RBMS3: variants seen among roughly 807,000 people sequenced by gnomAD.
The protein encoded by RBMS3 is RNA-binding motif, single-stranded-interacting protein 3.
A neutral mutation model predicts 66.8 loss-of-function variants in RBMS3; 27 were observed. The observed-to-expected ratio is 0.40, with a 90% CI of 0.30 to 0.56. The LOEUF is 0.56. RBMS3 is among the 20% of genes least tolerant of loss of function. The pLI is 0.40. For missense variants in RBMS3, 513 were observed against 549.5 expected, an observed-to-expected ratio of 0.93 and a Z score of 0.66; for synonymous variants, 188 against 183.0, an observed-to-expected ratio of 1.03 and a Z score of -0.22.
Position 29,988,333 on chromosome 3 carries a change from T to G in RBMS3, c.1179+110T>G. 3.7e-6 allele frequency: 3 copies of G among 812,982 alleles called. No homozygotes were observed. In the South Asian group the frequency reaches 4.8e-5, roughly 13 times the overall value. 50.4% of individuals were successfully genotyped at this position (812,982 alleles called of 1,614,324 possible). A position where few individuals can be genotyped will look rare whatever the true frequency, so the allele number is the denominator to read the frequency against. On this transcript the variant is annotated intron_variant, in intron 13 of 14. Transcript: ENST00000383767. Reference sequence around the variant, plus strand: ...CTCACTTGCAATTTTTGTGCTACTCTAAAATATGACATTGTAAATTCAGTG... The same window carrying G: ...CTCACTTGCAATTTTTGTGCTACTCGAAAATATGACATTGTAAATTCAGTG...
intron 6 of RBMS3, among the ~76,000 whole-genome samples, chr3:29,773,527 T>C (rs1317986299): frequency 6.6e-6 from 1 of 152,048 alleles, no homozygotes; most frequent in African/African-American, 2.4e-5. Flanking sequence ...TATCAAACAG[T>C]TGCACTAGTT....
intron 1 of RBMS3, among the ~76,000 whole-genome samples, chr3:29,318,418 A>C (rs72849598): frequency 0.032 from 4,916 of 151,932 alleles, 267 homozygotes; most frequent in African/African-American, 0.11. Context: ...AGTCAGATGT[A>C]CTGCGTAAGT....
chr3:29,587,234 T>C (rs753652877), intron 4 of RBMS3, 29 bp downstream of exon 4: 30,351 of 722,082 alleles, frequency 0.042, 1,237 homozygotes, highest in Non-Finnish European at 0.049. Context: ...GGTGTTTTTT[T>C]TTTTTTTTTT....
chr3:29,410,865 T>C (rs1277812617), intron 1 of RBMS3, among the ~76,000 whole-genome samples: 3 of 151,950 alleles, frequency 2.0e-5, no homozygotes, highest in Non-Finnish European at 4.4e-5. Flanking sequence ...TGATAGCTGT[T>C]GGAAGGTTTT....
At chr3:29,759,773 A>C (rs1182995682) in intron 5 of RBMS3, among the ~76,000 whole-genome samples, 2 of 152,026 alleles carry the variant, frequency 1.3e-5, no homozygotes, top group African/African-American at 4.8e-5. Context: ...CGTAAAATGC[A>C]TGAGGAACAC....
intron 3 of RBMS3, among the ~76,000 whole-genome samples, chr3:29,523,493 A>G (rs1356743063): frequency 2.0e-5 from 3 of 152,070 alleles, no homozygotes; most frequent in Non-Finnish European, 2.9e-5. Context: ...AGCAGCATCC[A>G]CAGGGTCAAA....
intron 14 of RBMS3, among the ~76,000 whole-genome samples, chr3:29,996,855 G>T (rs1267610485): frequency 6.6e-6 from 1 of 152,020 alleles, no homozygotes; most frequent in Non-Finnish European, 1.5e-5. Flanking sequence ...ACAATTAAAA[G>T]AACTAGAAAA....
intron 1 of RBMS3, among the ~76,000 whole-genome samples, chr3:29,354,666 A>G (rs1363323073): frequency 6.6e-6 from 1 of 152,188 alleles, no homozygotes; most frequent in Non-Finnish European, 1.5e-5. Context: ...ATTTCAATAT[A>G]TGATACTACT....
chr3:29,774,032 G>A (rs1222991312), intron 6 of RBMS3, among the ~76,000 whole-genome samples: 1 of 151,922 alleles, frequency 6.6e-6, no homozygotes, highest in Admixed American at 6.6e-5. Flanking sequence ...TCTGTTTCTG[G>A]TGAACCCAAA....
At chr3:29,466,960 A>T (rs1198836243) in intron 2 of RBMS3, among the ~76,000 whole-genome samples, 4 of 152,198 alleles carry the variant, frequency 2.6e-5, no homozygotes, top group Non-Finnish European at 5.9e-5. Context: ...TAAGACTGGC[A>T]TTGATTTAGT....
intron 3 of RBMS3, among the ~76,000 whole-genome samples, chr3:29,497,251 C>T (rs910476012): frequency 5.9e-5 from 9 of 152,146 alleles, no homozygotes; most frequent in Middle Eastern, 3.4e-3. Context: ...CATCATGATC[C>T]GCCCGCCTCA....
intron 10 of RBMS3, among the ~76,000 whole-genome samples, chr3:29,905,229 G>C (rs1577109515): frequency 6.6e-6 from 1 of 151,950 alleles, no homozygotes; most frequent in African/African-American, 2.4e-5. Context: ...ACAGAAATAG[G>C]TATGGCCACA....
intron 6 of RBMS3, among the ~76,000 whole-genome samples, chr3:29,821,844 G>A (rs532566147): frequency 2.0e-4 from 31 of 152,104 alleles, no homozygotes; most frequent in Non-Finnish European, 4.3e-4. Flanking sequence ...CTTTGTGCTT[G>A]CTTCTAGCCA....
chr3:29,319,059 G>A (rs759394143), intron 1 of RBMS3, among the ~76,000 whole-genome samples: 34 of 152,072 alleles, frequency 2.2e-4, no homozygotes, highest in Non-Finnish European at 4.3e-4. Flanking sequence ...CGTGGCTTCA[G>A]CAATAGAAGC....
chr3:29,720,684 C>T (rs933676695), intron 4 of RBMS3, among the ~76,000 whole-genome samples: 2 of 129,686 alleles, frequency 1.5e-5, no homozygotes, highest in Non-Finnish European at 3.4e-5. Context: ...TTCATGAGTT[C>T]CCTGTAAGAA....
chr3:29,786,948 T>C (rs1238420508), intron 6 of RBMS3, among the ~76,000 whole-genome samples: 1 of 152,060 alleles, frequency 6.6e-6, no homozygotes, highest in African/African-American at 2.4e-5. Flanking sequence ...GAAAAAGGAC[T>C]AATATCCAGA....
chr3:29,991,158 C>T lies in RBMS3; in HGVS notation c.1256C>T (p.Ala419Val). The change falls in exon 14 of 15, where the codon GCA becomes GTA. Residue 419 changes from alanine (A) to valine (V), a missense_variant. Coordinates refer to ENST00000383767, the MANE Select transcript of RBMS3 (RefSeq NM_001003793.3). ...ACCAGTGGTCAGCAGCAACAGATAG[C>T]AGTGGACACATCCAACGAACATGCA... ...QDTSGQQQQI[A>V]VDTSNEHAPA... 1.2e-6 allele frequency: 2 copies of T among 1,614,134 alleles called. No homozygotes were observed. The highest frequency in any genetic ancestry group is 1.7e-6 in the Non-Finnish European group (2 of 1,180,018).
At chr3:29,810,814 T>C (rs187093670) in intron 6 of RBMS3, among the ~76,000 whole-genome samples, 298 of 152,302 alleles carry the variant, frequency 2.0e-3, no homozygotes, top group Non-Finnish European at 1.9e-3. Flanking sequence ...CTGAGCTATT[T>C]TTTGTTACAT....
At chr3:29,692,806 T>G (rs1411175835) in intron 4 of RBMS3, among the ~76,000 whole-genome samples, 2 of 152,216 alleles carry the variant, frequency 1.3e-5, no homozygotes, top group Non-Finnish European at 2.9e-5. Context: ...AAACATAACC[T>G]TAAGCATAAT....
Sources: allele counts gnomAD v4.1 joint callset (sites outside exome capture counted in the v4.1 genomes callset), GRCh38; gene constraint gnomAD v4.1.1; transcripts MANE v1.5; gene names NCBI Gene and HGNC (gene_info 2026-07-23, HGNC 2026-07-21).